MFSD6: variants seen among roughly 807,000 people sequenced by gnomAD.
MFSD6 encodes the protein major facilitator superfamily domain-containing protein 6.
In MFSD6, 26 loss-of-function variants were observed where a neutral mutation model predicts 56.3. The ratio of observed to expected loss-of-function variants is 0.46; its 90% CI spans 0.34 to 0.64. The LOEUF is 0.64. Among genes scored for constraint, MFSD6 ranks in the 30% least tolerant of loss-of-function variants. The pLI, the probability that MFSD6 is intolerant of heterozygous loss-of-function variation, is 0.01. For synonymous variants in MFSD6, 331 were observed against 366.9 expected (o/e 0.90, Z 1.12); for missense variants, 750 against 986.2 (o/e 0.76, Z 3.21).
intron 3 of MFSD6, among the ~76,000 whole-genome samples, chr2:190,464,335 CAGTCATT>C (rs1687486811): frequency 6.6e-6 from 1 of 152,274 alleles, no homozygotes; most frequent in Middle Eastern, 3.4e-3. Flanking sequence ...TTGTTGCCAT[CAGTCATT>C]AGGTGAATAG....
At chr2:190,450,280 T>G (rs1277885077) in intron 3 of MFSD6, among the ~76,000 whole-genome samples, 1 of 152,048 alleles carries the variant, frequency 6.6e-6, no homozygotes, top group Admixed American at 6.5e-5. Flanking sequence ...TGAAGGATAG[T>G]CTGGAAGAGT....
At position 190,412,193 on chromosome 2, in the gene MFSD6, A is replaced by C. The variant is rs1052247566; in HGVS notation, c.-175-3099A>C. 1.0e-5 allele frequency: 10 copies of C among 984,806 alleles called. No individual in the cohort carries two copies. The African/African-American group carries it at 1.7e-4, about 17-fold the overall frequency. 61.0% of individuals were successfully genotyped at this position (984,806 alleles called of 1,614,324 possible). ...TCCTTAAAAATTAATACATTTCCAG[A>C]CTTAGAAATCCAGAGCCATAATACA... On this transcript the variant is annotated intron_variant, in intron 1 of 7. Coordinates refer to ENST00000392328, the MANE Select transcript of MFSD6 (RefSeq NM_017694.4). This position sits in a 1 kb window ranked among gnomAD's most constrained non-coding sequence, Gnocchi z 4.1.
rs140270661 is a variant in MFSD6 at position 190,456,527 on chromosome 2, C to T, written c.1533-13231C>T. On this transcript the variant is annotated intron_variant, in intron 3 of 7. Transcript: ENST00000392328. The surrounding 1 kb of genome is among the most constrained non-coding windows in gnomAD (Gnocchi z 5.4). ...GAGCCCCACTCCGGGAACTCCCTGGCTGCTCTAGGAACCTGCAGGGCTGAT... is the reference window on the plus strand; with the variant it reads ...GAGCCCCACTCCGGGAACTCCCTGGTTGCTCTAGGAACCTGCAGGGCTGAT... Among the ~76,000 whole-genome samples, 1,342 of 152,346 alleles carry T rather than the reference C, an allele frequency of 8.8e-3. 10 individuals carry two copies. The highest frequency in any genetic ancestry group is 0.06 in the South Asian group (287 of 4,820).
chr2:190,409,803 C>T (rs1011139250), intron 1 of MFSD6, among the ~76,000 whole-genome samples: 1 of 152,178 alleles, frequency 6.6e-6, no homozygotes, highest in Non-Finnish European at 1.5e-5. Context: ...TGGCTTTTGA[C>T]ACGTCAAGCT....
Position 190,443,236 on chromosome 2 carries a change from G to C in MFSD6, c.1532+5675G>C, listed in dbSNP as rs560547871. ...ACTTTAAGGATTGTATGGTGGTTAC[G>C]AGCAGAGGCTGAGTCAGATTGCCTG... On this transcript the variant is annotated intron_variant, in intron 3 of 7. Transcript: ENST00000392328. This position sits in a 1 kb window ranked among gnomAD's most constrained non-coding sequence, Gnocchi z 4.2. Among the ~76,000 whole-genome samples the C allele has an allele frequency of 6.6e-6, 1 of 152,140 alleles. No individual in the cohort carries two copies. Among genetic ancestry groups the C allele is most frequent in the Non-Finnish European group, 1.5e-5 (1 of 68,026 alleles).
chr2:190,411,131 C>T lies in MFSD6; in HGVS notation c.-176+2628C>T, dbSNP rs976307126. The T allele has an allele frequency of 8.1e-5, 80 of 982,644 alleles. No individual in the cohort carries two copies. In the African/African-American group the frequency reaches 1.3e-3, roughly 16 times the overall value. The allele number at this position is 982,644 out of a possible 1,614,324, so 60.9% of individuals were successfully genotyped here. On this transcript the variant is annotated intron_variant, in intron 1 of 7. Transcript: ENST00000392328. ...TTAAACCTGCATACAGGCACACATA[C>T]GCCTTTTTGTCCCCAAACTGTTGAC...
chr2:190,423,479 G>A lies in MFSD6; in HGVS notation c.-54+8066G>A, dbSNP rs1685696896. ...TATCAATCGTTTGCTCCTTTTTATT[G>A]CTGCATAATATCCCATAGTAAAGCT... On this transcript the variant is annotated intron_variant, in intron 2 of 7. Transcript: ENST00000392328. This position sits in a 1 kb window ranked among gnomAD's most constrained non-coding sequence, Gnocchi z 4.3. 1.3e-5 allele frequency among the ~76,000 whole-genome samples: 2 copies of A among 152,172 alleles called. No homozygotes were observed. The highest frequency in any genetic ancestry group is 4.2e-4 in the South Asian group (2 of 4,814).
At chr2:190,470,410 A>G (rs926177546) in intron 4 of MFSD6, among the ~76,000 whole-genome samples, 3 of 152,186 alleles carry the variant, frequency 2.0e-5, no homozygotes, top group African/African-American at 7.2e-5. Context: ...TCAAGACACA[A>G]CTGAAAAAGT....
At chr2:190,460,168 G>A (rs1222235237) in intron 3 of MFSD6, among the ~76,000 whole-genome samples, 1 of 152,176 alleles carries the variant, frequency 6.6e-6, no homozygotes, top group African/African-American at 2.4e-5. Context: ...AGTGCGTCAG[G>A]ATGCTCCAAA....
At position 190,431,643 on chromosome 2, in the gene MFSD6, G is replaced by C. The variant is rs1373680716; in HGVS notation, c.-53-4334G>C. On this transcript the variant is annotated intron_variant, in intron 2 of 7. Transcript: ENST00000392328. This position sits in a 1 kb window ranked among gnomAD's most constrained non-coding sequence, Gnocchi z 4.4. ...TCAGGCAGGGAGGTTGCAGTGAGCC[G>C]AGATGGCAGCAGTACAGTCCAGCTT... 6.6e-6 allele frequency among the ~76,000 whole-genome samples: 1 copy of C among 152,208 alleles called. No homozygotes were observed. The highest frequency in any genetic ancestry group is 1.5e-5 in the Non-Finnish European group (1 of 68,030).
rs1400635363 is a variant in MFSD6, at chr2:190,410,030, A to G, written c.-176+1527A>G. 1.3e-5 allele frequency among the ~76,000 whole-genome samples: 2 copies of G among 152,224 alleles called. No individual in the cohort carries two copies. Among genetic ancestry groups the G allele is most frequent in the East Asian group, 3.8e-4 (2 of 5,204 alleles). ...GTTGTGTGTCCTTCATGTTTACAGC[A>G]GTTTATTTCTAAGGCACTTTCCATC... On this transcript the variant is annotated intron_variant, in intron 1 of 7. Coordinates refer to ENST00000392328, the MANE Select transcript of MFSD6 (RefSeq NM_017694.4). The surrounding 1 kb of genome is among the most constrained non-coding windows in gnomAD (Gnocchi z 4.4).
rs1689084602 is a variant in MFSD6, at chr2:190,487,596, T to A, written c.1631-1061T>A. ...CCAATTAAAAAATGGGCAAAGGAAT[T>A]GAATAAACATTTCTTCAAAGAAGAT... On this transcript the variant is annotated intron_variant, in intron 4 of 7. Transcript: ENST00000392328. The surrounding 1 kb of genome is among the most constrained non-coding windows in gnomAD (Gnocchi z 5.5). Among the ~76,000 whole-genome samples the A allele has an allele frequency of 6.6e-6, 1 of 152,078 alleles. No individual in the cohort carries two copies. The highest frequency in any genetic ancestry group is 1.5e-5 in the Non-Finnish European group (1 of 68,000).
At chr2:190,446,721 G>A (rs971869069) in intron 3 of MFSD6, among the ~76,000 whole-genome samples, 8 of 152,174 alleles carry the variant, frequency 5.3e-5, no homozygotes, top group African/African-American at 1.2e-4. Flanking sequence ...ATGGATGTTC[G>A]TTCTGGGTCT....
At position 190,454,743 on chromosome 2, in the gene MFSD6, T is replaced by A. The variant is rs1296858476; in HGVS notation, c.1533-15015T>A. ...ATATTGTCATGGCAGCCCGAGCAAA[T>A]TAATAATGTGTCTAAATAGAGTAAG... On this transcript the variant is annotated intron_variant, in intron 3 of 7. Coordinates refer to ENST00000392328, the MANE Select transcript of MFSD6 (RefSeq NM_017694.4). This position sits in a 1 kb window ranked among gnomAD's most constrained non-coding sequence, Gnocchi z 4.6. Among the ~76,000 whole-genome samples the A allele has an allele frequency of 6.6e-6, 1 of 151,946 alleles. No individual in the cohort carries two copies. The highest frequency in any genetic ancestry group is 1.5e-5 in the Non-Finnish European group (1 of 68,018).
At position 190,496,452 on chromosome 2, in the gene MFSD6, C is replaced by T. The variant is rs1361452378; in HGVS notation, c.1892-987C>T. Among the ~76,000 whole-genome samples, 1 of 152,132 alleles carries T rather than the reference C, an allele frequency of 6.6e-6. No homozygotes were observed. Among genetic ancestry groups the T allele is most frequent in the East Asian group, 1.9e-4 (1 of 5,184 alleles). On this transcript the variant is annotated intron_variant, in intron 6 of 7. Coordinates refer to ENST00000392328, the MANE Select transcript of MFSD6 (RefSeq NM_017694.4). The surrounding 1 kb of genome is among the most constrained non-coding windows in gnomAD (Gnocchi z 4.7). ...TTCTTAAGAACTAAAAGTAGAACTACCATTTGATCCAGCAATCCCACTACT... is the reference window on the plus strand; with the variant it reads ...TTCTTAAGAACTAAAAGTAGAACTATCATTTGATCCAGCAATCCCACTACT...
At position 190,501,067 on chromosome 2, in the gene MFSD6, T is replaced by G. The variant is rs763181821; in HGVS notation, c.*849T>G. The G allele has an allele frequency of 3.3e-5, 5 of 152,228 alleles. No homozygotes were observed. The highest frequency in any genetic ancestry group is 1.2e-4 in the African/African-American group (5 of 41,456). The allele number at this position is 152,228 out of a possible 1,614,324, so 9.4% of individuals were successfully genotyped here. A position where few individuals can be genotyped will look rare whatever the true frequency, so the allele number is the denominator to read the frequency against. ...GCCTCTCTCGCTATTTACTATCTTA[T>G]AGTAATTCAGGCTCTAATTAGCTGA... On this transcript the variant is annotated 3_prime_UTR_variant, in exon 8 of 8. Coordinates refer to ENST00000392328, the MANE Select transcript of MFSD6 (RefSeq NM_017694.4).
rs887408911 is a variant in MFSD6 at position 190,465,474 on chromosome 2, A to G, written c.1533-4284A>G. On this transcript the variant is annotated intron_variant, in intron 3 of 7. Coordinates refer to ENST00000392328, the MANE Select transcript of MFSD6 (RefSeq NM_017694.4). This position sits in a 1 kb window ranked among gnomAD's most constrained non-coding sequence, Gnocchi z 4.6. Reference sequence around the variant, plus strand: ...TCCAGACATCAGTGCCCATAAGATTACTGATTATACATCAGTAATCTTATG... The same window carrying G: ...TCCAGACATCAGTGCCCATAAGATTGCTGATTATACATCAGTAATCTTATG... 6.6e-6 allele frequency among the ~76,000 whole-genome samples: 1 copy of G among 152,052 alleles called. No homozygotes were observed. The highest frequency in any genetic ancestry group is 2.4e-5 in the African/African-American group (1 of 41,390).
chr2:190,452,525 A>G (rs1686816792), intron 3 of MFSD6, among the ~76,000 whole-genome samples: 2 of 152,190 alleles, frequency 1.3e-5, no homozygotes, highest in African/African-American at 4.8e-5. Flanking sequence ...CACAGCCAGT[A>G]AATAATGAAC....
chr2:190,455,724 G>A (rs569096920), intron 3 of MFSD6, among the ~76,000 whole-genome samples: 1 of 151,906 alleles, frequency 6.6e-6, no homozygotes, highest in South Asian at 2.1e-4. Flanking sequence ...CAGGGGCATC[G>A]TGCGGAGGTC....
Sources: gnomAD v4.1 joint callset for allele counts (sites outside exome capture counted in the v4.1 genomes callset) on GRCh38, gnomAD v4.1.1 for gene constraint, Gnocchi (gnomAD v3.1) non-coding constraint, MANE v1.5 for transcripts, NCBI Gene and HGNC (gene_info 2026-07-23, HGNC 2026-07-21) for gene names.